Variants in TLN2 observed in about 807,000 individuals in gnomAD.
The protein encoded by TLN2 is talin 2, also known as talin-2.
TLN2 carries 118 observed loss-of-function variants against 294.7 expected under a neutral mutation model. That is an observed-to-expected ratio of 0.40 (90% CI 0.34 to 0.47). TLN2 has a LOEUF of 0.47. TLN2 is among the 20% of genes least tolerant of loss of function. The pLI, the probability that TLN2 is intolerant of heterozygous loss-of-function variation, is 0.84. For missense variants in TLN2, 3,083 were observed against 3,282.2 expected (o/e 0.94, Z 1.48); for synonymous variants, 1,431 against 1,304.5 (o/e 1.10, Z -2.09).
At chr15:62,480,776 A>G (rs1032484251) in intron 1 of TLN2, among the ~76,000 whole-genome samples, 1 of 152,014 alleles carries the variant, frequency 6.6e-6, no homozygotes, top group South Asian at 2.1e-4. Flanking sequence ...TCTTTTTTTG[A>G]AGAAGTCACA....
At chr15:62,547,368 C>T (rs146776181) in intron 1 of TLN2, among the ~76,000 whole-genome samples, 274 of 152,268 alleles carry the variant, frequency 1.8e-3, no homozygotes, top group African/African-American at 6.4e-3. Context: ...CTTTGTGGCT[C>T]GTATGTGAAC....
chr15:62,502,032 C>T (rs375283738), intron 1 of TLN2, among the ~76,000 whole-genome samples: 36 of 152,124 alleles, frequency 2.4e-4, no homozygotes, highest in East Asian at 1.2e-3. Context: ...CTCTCTTTGT[C>T]CTAAGCCTAT....
In TLN2 at chr15:62,722,956, C is replaced by A. The variant is rs189365270; in HGVS notation, c.3126+469C>A. On this transcript the variant is annotated intron_variant, in intron 26 of 58. Transcript: ENST00000636159. ...TATCTTTTTTGCCCTGCAAAGTTTT[C>A]ACTTATTGCGTGGGAGCATTCACCT... Among the ~76,000 whole-genome samples the A allele has an allele frequency of 1.1e-4, 16 of 152,296 alleles. No individual in the cohort carries two copies. In the East Asian group the frequency reaches 2.3e-3, roughly 22 times the overall value.
intron 44 of TLN2, among the ~76,000 whole-genome samples, chr15:62,782,246 A>G (rs1467647027): frequency 6.6e-6 from 1 of 152,004 alleles, no homozygotes; most frequent in Non-Finnish European, 1.5e-5. Flanking sequence ...ATTCATGGAA[A>G]CTCTGTGATT....
At chr15:62,690,195 C>G (rs1422234739) in intron 12 of TLN2, 4 of 157,914 alleles carry the variant, frequency 2.5e-5, no homozygotes, top group South Asian at 2.0e-4. Context: ...CAGGCGGAGA[C>G]GCTCCTCACT....
chr15:62,550,990 G>A (rs2042263876), intron 1 of TLN2, among the ~76,000 whole-genome samples: 1 of 152,126 alleles, frequency 6.6e-6, no homozygotes, highest in Non-Finnish European at 1.5e-5. Context: ...TGGGAGCCCT[G>A]AGCTTGTTTT....
chr15:62,520,324 TATTA>T (rs952801936), intron 1 of TLN2, among the ~76,000 whole-genome samples: 1 of 152,236 alleles, frequency 6.6e-6, no homozygotes, highest in Non-Finnish European at 1.5e-5. Flanking sequence ...AAGTTGTGTT[TATTA>T]ATTGTCACTT....
At chr15:62,826,597 A>G (rs2068222996) in intron 54 of TLN2, among the ~76,000 whole-genome samples, 6 of 152,216 alleles carry the variant, frequency 3.9e-5, no homozygotes. Context: ...GGTCCTCCAG[A>G]GGAGAAGCTG....
intron 1 of TLN2, among the ~76,000 whole-genome samples, chr15:62,468,210 T>A (rs1182568123): frequency 6.6e-6 from 1 of 152,140 alleles, no homozygotes; most frequent in Non-Finnish European, 1.5e-5. Context: ...CCTCAGAGCT[T>A]AAGCATTGCC....
Position 62,796,185 on chromosome 15 carries a change from C to T in TLN2, c.5942C>T (p.Thr1981Ile), listed in dbSNP as rs1283146327. 1.2e-6 allele frequency: 2 copies of T among 1,614,266 alleles called. No individual in the cohort carries two copies. Among genetic ancestry groups the T allele is most frequent in the African/African-American group, 1.3e-5 (1 of 75,074 alleles). Residue 1981 changes from threonine to isoleucine, a missense_variant, in exon 47 of 59, where the codon ACA (threonine) becomes ATA (isoleucine). Transcript: ENST00000636159. The part of the protein sequence containing the change: ...AGNKGTQACI[T>I]AATAVSGIIA... ...AACAAAGGAACCCAGGCATGCATTA[C>T]AGCCGCCACCGCTGTGTCTGGGATC... is the stretch of plus-strand genomic sequence containing the variant.
At chr15:62,423,356 G>C (rs1434050495) in intron 1 of TLN2, among the ~76,000 whole-genome samples, 1 of 152,122 alleles carries the variant, frequency 6.6e-6, no homozygotes, top group Admixed American at 6.5e-5. Context: ...AGGTGATAGA[G>C]TGAGACCCTT....
chr15:62,705,672 T>A (rs1484029513), intron 19 of TLN2, among the ~76,000 whole-genome samples: 1 of 152,252 alleles, frequency 6.6e-6, no homozygotes, highest in Non-Finnish European at 1.5e-5. Context: ...TTTAAAAATC[T>A]TTTTAATAAT....
Position 62,825,784 on chromosome 15 carries a change from A to T in TLN2, c.7002+5174A>T, listed in dbSNP as rs1250149570. On this transcript the variant is annotated intron_variant, in intron 54 of 58. Transcript: ENST00000636159. ...ATAATTATATATTATATAATATATT[A>T]TATATTATAATATATATTATATATT... is the stretch of plus-strand genomic sequence containing the variant. 2.0e-3 allele frequency among the ~76,000 whole-genome samples: 29 copies of T among 14,620 alleles called. 1 individual carries two copies. The highest frequency in any genetic ancestry group is 0.071 in the Middle Eastern group (1 of 14). The allele number at this position is 14,620 out of a possible 152,430, so 9.6% of individuals were successfully genotyped here.
intron 1 of TLN2, among the ~76,000 whole-genome samples, chr15:62,582,233 CACACACACACACA>C (rs2045156163): frequency 9.2e-6 from 1 of 108,530 alleles, no homozygotes; most frequent in Non-Finnish European, 2.3e-5. Flanking sequence ...CACACACACA[CACACACACACACA>C]CATTCATGCC....
At chr15:62,714,725 C>T (rs1038408958) in intron 22 of TLN2, among the ~76,000 whole-genome samples, 9 of 152,036 alleles carry the variant, frequency 5.9e-5, no homozygotes, top group Non-Finnish European at 7.3e-5. Flanking sequence ...CTAAAGAACA[C>T]GCAATGGTTA....
chr15:62,494,907 C>G (rs952588326), intron 1 of TLN2, among the ~76,000 whole-genome samples: 4 of 152,136 alleles, frequency 2.6e-5, no homozygotes, highest in Non-Finnish European at 5.9e-5. Context: ...GCAGATGCTG[C>G]CCGCTCCCCA....
intron 1 of TLN2, among the ~76,000 whole-genome samples, chr15:62,589,238 A>G (rs972751588): frequency 3.3e-5 from 5 of 152,220 alleles, no homozygotes; most frequent in African/African-American, 1.2e-4. Context: ...ACATGGGAAC[A>G]GCAAAATCAA....
intron 39 of TLN2, 31 bp downstream of exon 39, chr15:62,762,484 C>A: frequency 6.2e-7 from 1 of 1,608,306 alleles, no homozygotes; most frequent in Non-Finnish European, 8.5e-7. Context: ...TTGCTGCCAG[C>A]CTGCATCTCA....
chr15:62,805,224 A>G (rs2066195655), intron 50 of TLN2, among the ~76,000 whole-genome samples: 1 of 5,364 alleles, frequency 1.9e-4, no homozygotes, highest in Non-Finnish European at 4.1e-3. Flanking sequence ...TGGGACTGAG[A>G]GTGTATGGAA....
Sources: allele counts gnomAD v4.1 joint callset (sites outside exome capture counted in the v4.1 genomes callset), GRCh38; gene constraint gnomAD v4.1.1; transcripts MANE v1.5; gene names NCBI Gene and HGNC (gene_info 2026-07-23, HGNC 2026-07-21).